Variants in SH3D19 observed in about 807,000 individuals in gnomAD.
The protein encoded by SH3D19 is SH3 domain-containing protein 19.
Under a neutral mutation model 112.1 loss-of-function variants are expected in SH3D19, and 58 were observed. That is an observed-to-expected ratio of 0.52 (90% confidence interval 0.42 to 0.64). SH3D19 has a LOEUF of 0.64. Among genes scored for constraint, SH3D19 ranks in the 30% least tolerant of loss-of-function variants. The probability of loss-of-function intolerance (pLI) is 0.00; values close to 1 mark genes in which losing one functional copy is unlikely to be tolerated. For synonymous variants in SH3D19, 391 were observed against 448.5 expected (o/e 0.87, Z 1.62); for missense variants, 1,090 against 1,263.4 (o/e 0.86, Z 2.08).
Position 151,135,032 on chromosome 4 carries a change from T to A in SH3D19, c.2486+42A>T. Reference sequence around the variant, plus strand: ...TAATTCTTCATGATATAGATGGTTATCTCCTTTGTATTTTGTGTAAAAGAA... The same window carrying A: ...TAATTCTTCATGATATAGATGGTTAACTCCTTTGTATTTTGTGTAAAAGAA... On this transcript the variant is annotated intron_variant, in intron 15 of 19. Transcript: ENST00000604030. 4 of 1,475,674 alleles carry A rather than the reference T, an allele frequency of 2.7e-6. No homozygotes were observed. In the South Asian group the frequency reaches 3.5e-5, roughly 13 times the overall value. 91.4% of individuals were successfully genotyped at this position (1,475,674 alleles called of 1,614,324 possible).
At chr4:151,186,740 C>T (rs11726180) in intron 3 of SH3D19, among the ~76,000 whole-genome samples, 126,290 of 151,622 alleles carry the variant, frequency 0.83, 54,064 homozygotes, top group Non-Finnish European at 0.95. Context: ...CCTGCCAGGA[C>T]TTAATATTTC....
chr4:151,135,421 AT>A (rs34291277), intron 14 of SH3D19, among the ~76,000 whole-genome samples: 45 of 87,488 alleles, frequency 5.1e-4, no homozygotes, highest in African/African-American at 2.0e-3. Flanking sequence ...TCTCTATCTC[AT>A]TTTTTTTTTT....
At chr4:151,203,726 T>A (rs1216943201) in intron 2 of SH3D19, among the ~76,000 whole-genome samples, 1 of 152,238 alleles carries the variant, frequency 6.6e-6, no homozygotes, top group Admixed American at 6.5e-5. Flanking sequence ...GTACTTGTAT[T>A]CCCTTCTAAT....
chr4:151,178,572 T>C (rs902606836), intron 4 of SH3D19, among the ~76,000 whole-genome samples: 3 of 152,194 alleles, frequency 2.0e-5, no homozygotes, highest in Admixed American at 6.5e-5. Flanking sequence ...CCTTGTGATG[T>C]AGGTATGATT....
intron 1 of SH3D19, among the ~76,000 whole-genome samples, chr4:151,243,070 AG>A (rs1245938172): frequency 1.3e-5 from 2 of 152,216 alleles, no homozygotes; most frequent in East Asian, 3.8e-4. Context: ...AATTGCAAAA[AG>A]ATTTACAGAG....
chr4:151,244,534 G>T (rs1242542038), intron 1 of SH3D19, among the ~76,000 whole-genome samples: 1 of 152,168 alleles, frequency 6.6e-6, no homozygotes, highest in Non-Finnish European at 1.5e-5. Flanking sequence ...AAACAATAAA[G>T]ATTATTCGAA....
chr4:151,251,401 T>C (rs1293519868), intron 1 of SH3D19, among the ~76,000 whole-genome samples: 1 of 152,202 alleles, frequency 6.6e-6, no homozygotes, highest in Admixed American at 6.5e-5. Context: ...GGTTTCACCA[T>C]GTTGGTCAGG....
At chr4:151,232,108 C>T (rs991000569) in intron 1 of SH3D19, among the ~76,000 whole-genome samples, 2 of 152,130 alleles carry the variant, frequency 1.3e-5, no homozygotes, top group Non-Finnish European at 2.9e-5. Context: ...CGCTTGAACC[C>T]GGGAGGCGGA....
At chr4:151,298,565 GC>G (rs1240552265) in intron 1 of SH3D19, among the ~76,000 whole-genome samples, 1 of 152,150 alleles carries the variant, frequency 6.6e-6, no homozygotes, top group East Asian at 1.9e-4. Flanking sequence ...GATTTGAGAG[GC>G]CTATTAGATG....
At chr4:151,143,765 T>C in intron 12 of SH3D19, 145 bp downstream of exon 12, 1 of 898,482 alleles carries the variant, frequency 1.1e-6, no homozygotes, top group South Asian at 1.9e-5. Context: ...TAATTTATTC[T>C]AAAAGTAGAA....
At chr4:151,307,921 A>T (rs894596102) in intron 1 of SH3D19, among the ~76,000 whole-genome samples, 2 of 151,974 alleles carry the variant, frequency 1.3e-5, no homozygotes, top group Non-Finnish European at 2.9e-5. Flanking sequence ...TTTTATTATT[A>T]TTTTTTCAGA....
chr4:151,148,254 TACACACACACACAC>T (rs34219685), intron 10 of SH3D19, 68 bp from the exon 11 acceptor site: 897 of 981,216 alleles, frequency 9.1e-4, no homozygotes, highest in Middle Eastern at 1.2e-3. Flanking sequence ...TGTCCTGTCT[TACACACACACACAC>T]ACACACACAC....
intron 1 of SH3D19, among the ~76,000 whole-genome samples, chr4:151,296,324 T>C (rs1187600447): frequency 6.6e-6 from 1 of 152,134 alleles, no homozygotes; most frequent in Non-Finnish European, 1.5e-5. Context: ...TTTGTTTCAA[T>C]TGCTAAGACA....
chr4:151,205,054 C>T (rs1422911896), intron 2 of SH3D19, among the ~76,000 whole-genome samples: 1 of 152,166 alleles, frequency 6.6e-6, no homozygotes, highest in Admixed American at 6.5e-5. Context: ...CTCCTGACTT[C>T]AGGTGATCCA....
intron 2 of SH3D19, among the ~76,000 whole-genome samples, chr4:151,203,121 C>T (rs1764626452): frequency 6.6e-6 from 1 of 152,110 alleles, no homozygotes; most frequent in Non-Finnish European, 1.5e-5. Flanking sequence ...CCACCTCATT[C>T]CCACAGGCCA....
At chr4:151,297,426 A>C (rs1185398473) in intron 1 of SH3D19, among the ~76,000 whole-genome samples, 1 of 152,244 alleles carries the variant, frequency 6.6e-6, no homozygotes, top group Non-Finnish European at 1.5e-5. Flanking sequence ...CCAAGGAGTG[A>C]AAAGAATAGG....
intron 1 of SH3D19, among the ~76,000 whole-genome samples, chr4:151,292,939 G>A (rs1042450545): frequency 2.0e-5 from 3 of 151,926 alleles, no homozygotes; most frequent in African/African-American, 7.3e-5. Context: ...GACCAACATG[G>A]TGAAACCCTG....
intron 1 of SH3D19, 178 bp from the exon 2 acceptor site, chr4:151,226,264 AT>A (rs1248305680): frequency 3.3e-5 from 40 of 1,221,366 alleles, no homozygotes; most frequent in Non-Finnish European, 4.1e-5. Context: ...AAAAGACACA[AT>A]GAAGGACAGG....
At chr4:151,152,861 A>G (rs1485493581) in intron 9 of SH3D19, among the ~76,000 whole-genome samples, 15 of 151,474 alleles carry the variant, frequency 9.9e-5, no homozygotes, top group Non-Finnish European at 4.4e-5. Flanking sequence ...TTTGAGACGT[A>G]GTCTTGTTCT....
Sources: allele counts gnomAD v4.1 joint callset (sites outside exome capture counted in the v4.1 genomes callset), GRCh38; gene constraint gnomAD v4.1.1; transcripts MANE v1.5; gene names NCBI Gene and HGNC (gene_info 2026-07-23, HGNC 2026-07-21).